SHISA9: variants seen among roughly 807,000 people sequenced by gnomAD.
SHISA9 encodes protein shisa-9.
In SHISA9, 13 loss-of-function variants were observed where a neutral mutation model predicts 38.0. The ratio of observed to expected loss-of-function variants is 0.34; its 90% confidence interval spans 0.22 to 0.54. SHISA9 has a LOEUF of 0.54. Among genes scored for constraint, SHISA9 ranks in the 20% least tolerant of loss-of-function variants. The probability of loss-of-function intolerance (pLI) is 0.91; values close to 1 mark genes in which losing one functional copy is unlikely to be tolerated. For missense variants in SHISA9, 538 were observed against 575.8 expected (o/e 0.93, Z 0.67); for synonymous variants, 275 against 242.0 (o/e 1.14, Z -1.27).
At chr16:13,529,820 G>C in the SHISA9 span, among the ~76,000 whole-genome samples, 10 of 152,288 alleles carry the variant, frequency 6.6e-5, no homozygotes, top group East Asian at 1.9e-3. Flanking sequence ...GCCGTTCCCT[G>C]GTAGGCAGAT....
chr16:13,385,986 G>A, the SHISA9 span, among the ~76,000 whole-genome samples: 1 of 152,190 alleles, frequency 6.6e-6, no homozygotes, highest in Admixed American at 6.5e-5. Context: ...GATAGGGACA[G>A]GGCAAGAGGG....
In SHISA9 at chr16:13,173,377, T is replaced by TACACACAC. The variant is rs34832916; in HGVS notation, c.692-29991_692-29984dup. Among the ~76,000 whole-genome samples the TACACACAC allele has an allele frequency of 3.6e-3, 510 of 142,944 alleles. 3 individuals are homozygous for TACACACAC. The highest frequency in any genetic ancestry group is 0.012 in the African/African-American group (465 of 38,716). The allele number at this position is 142,944 out of a possible 152,430, so 93.8% of individuals were successfully genotyped here. A position where few individuals can be genotyped will look rare whatever the true frequency, so the allele number is the denominator to read the frequency against. On this transcript the variant is annotated intron_variant, in intron 2 of 4. Coordinates refer to ENST00000558583, the MANE Select transcript of SHISA9 (RefSeq NM_001145204.3). ...TGGAAATGGCATGTATGTGTGCATG[T>TACACACAC]ACACACACACACACACACACACACA...
chr16:12,917,279 G>C (rs2071270821), intron 2 of SHISA9, among the ~76,000 whole-genome samples: 1 of 152,202 alleles, frequency 6.6e-6, no homozygotes, highest in Non-Finnish European at 1.5e-5. Context: ...TGAAATACTA[G>C]TTCAGAAGAA....
chr16:13,096,060 C>A (rs929905768), intron 2 of SHISA9, among the ~76,000 whole-genome samples: 8 of 152,198 alleles, frequency 5.3e-5, no homozygotes, highest in African/African-American at 1.9e-4. Flanking sequence ...GAGTTTGAAT[C>A]CCTGCTTCAC....
the SHISA9 span, among the ~76,000 whole-genome samples, chr16:13,402,431 G>GAATTCACC: frequency 6.6e-6 from 1 of 151,932 alleles, no homozygotes; most frequent in Non-Finnish European, 1.5e-5. Context: ...AGAAGAGAGT[G>GAATTCACC]AATTCACCCT....
chr16:12,991,703 G>C (rs1231460735), intron 2 of SHISA9, among the ~76,000 whole-genome samples: 1 of 152,140 alleles, frequency 6.6e-6, no homozygotes, highest in Non-Finnish European at 1.5e-5. Flanking sequence ...CTTTTCTTCA[G>C]AGGAATTTAG....
intron 1 of SHISA9, among the ~76,000 whole-genome samples, chr16:12,903,919 T>A (rs1252417921): frequency 6.6e-6 from 1 of 152,040 alleles, no homozygotes; most frequent in South Asian, 2.1e-4. Flanking sequence ...ATTTTCTATT[T>A]ATACGCAGAG....
intron 2 of SHISA9, among the ~76,000 whole-genome samples, chr16:13,165,415 T>C (rs1015877453): frequency 6.6e-6 from 1 of 152,236 alleles, no homozygotes; most frequent in Non-Finnish European, 1.5e-5. Context: ...GTAGTTGCTA[T>C]CATTAGAAGT....
the SHISA9 span, among the ~76,000 whole-genome samples, chr16:13,461,579 C>CA: frequency 0.35 from 43,955 of 125,894 alleles, 7,364 homozygotes; most frequent in South Asian, 0.5. Context: ...AACTCCCTCT[C>CA]AAAAAAAAAA....
intron 2 of SHISA9, among the ~76,000 whole-genome samples, chr16:12,939,446 T>C (rs549143127): frequency 1.3e-5 from 2 of 152,358 alleles, no homozygotes; most frequent in East Asian, 1.9e-4. Flanking sequence ...AGGTTTGTTG[T>C]TGGTGAAATA....
intron 1 of SHISA9, among the ~76,000 whole-genome samples, chr16:12,913,344 C>T (rs2071211405): frequency 6.6e-6 from 1 of 151,942 alleles, no homozygotes; most frequent in Non-Finnish European, 1.5e-5. Context: ...TTACAGGTGC[C>T]CACCACCACG....
the SHISA9 span, among the ~76,000 whole-genome samples, chr16:13,454,298 G>A: frequency 1.2e-4 from 19 of 152,300 alleles, no homozygotes; most frequent in African/African-American, 4.3e-4. Flanking sequence ...TGGAGATGAG[G>A]ATATAGGCAG....
chr16:13,356,451 C>T, the SHISA9 span, among the ~76,000 whole-genome samples: 1 of 152,122 alleles, frequency 6.6e-6, no homozygotes, highest in South Asian at 2.1e-4. Context: ...GTGCCTTTAG[C>T]TCCAGCCACC....
chr16:13,360,046 GGGCTAAAGCGTGGAA>G, the SHISA9 span, among the ~76,000 whole-genome samples: 1 of 152,180 alleles, frequency 6.6e-6, no homozygotes, highest in Non-Finnish European at 1.5e-5. Flanking sequence ...TTGACTTGCT[GGGCTAAAGCGTGGAA>G]GGACATCCGG....
chr16:13,006,877 T>C (rs1420475983), intron 2 of SHISA9, among the ~76,000 whole-genome samples: 1 of 152,156 alleles, frequency 6.6e-6, no homozygotes, highest in Non-Finnish European at 1.5e-5. Flanking sequence ...TCTGTGCTGT[T>C]TCTCTTCAAC....
chr16:13,223,329 C>T (rs1444419740), intron 4 of SHISA9, among the ~76,000 whole-genome samples: 1 of 152,042 alleles, frequency 6.6e-6, no homozygotes, highest in African/African-American at 2.4e-5. Flanking sequence ...TCTCGGGAGG[C>T]TGAGGTGGGA....
At chr16:13,398,049 T>A in the SHISA9 span, among the ~76,000 whole-genome samples, 1 of 152,162 alleles carries the variant, frequency 6.6e-6, no homozygotes, top group Non-Finnish European at 1.5e-5. Flanking sequence ...CGACAGTCGA[T>A]GACCTGCTGT....
chr16:12,999,209 C>T (rs2072494816), intron 2 of SHISA9, among the ~76,000 whole-genome samples: 2 of 152,162 alleles, frequency 1.3e-5, no homozygotes, highest in Admixed American at 6.5e-5. Flanking sequence ...TGCAGCACTA[C>T]ACGTGGGGGC....
At chr16:13,269,214 G>T in the SHISA9 span, among the ~76,000 whole-genome samples, 5 of 152,180 alleles carry the variant, frequency 3.3e-5, no homozygotes, top group African/African-American at 2.4e-5. Context: ...TGGCACCTAT[G>T]CATCCTTTTA....
Sources: gnomAD v4.1 joint callset for allele counts (sites outside exome capture counted in the v4.1 genomes callset) on GRCh38, gnomAD v4.1.1 for gene constraint, MANE v1.5 for transcripts, NCBI Gene and HGNC (gene_info 2026-07-23, HGNC 2026-07-21) for gene names.